NRG1: variants seen among roughly 807,000 people sequenced by gnomAD.
NRG1 encodes the protein neuregulin 1, also known as pro-neuregulin-1, membrane-bound isoform.
NRG1 carries 18 observed loss-of-function variants against 63.8 expected under a neutral mutation model. That is an observed-to-expected ratio of 0.28 (90% CI 0.19 to 0.42). NRG1 has a LOEUF of 0.42. Ranked by LOEUF, NRG1 falls within the 10% of genes least tolerant of loss-of-function variation. The pLI, the probability that NRG1 is intolerant of heterozygous loss-of-function variation, is 1.00. For missense variants in NRG1, 762 were observed against 814.7 expected, an observed-to-expected ratio of 0.94 and a Z score of 0.79; for synonymous variants, 302 against 301.3, an observed-to-expected ratio of 1.00 and a Z score of -0.02.
At chr8:31,869,478 A>G (rs567094619) in intron 1 of NRG1, among the ~76,000 whole-genome samples, 1 of 152,344 alleles carries the variant, frequency 6.6e-6, no homozygotes, top group African/African-American at 2.4e-5. Context: ...AGACATTGCC[A>G]CATCATTCTA....
intron 1 of NRG1, among the ~76,000 whole-genome samples, chr8:31,683,661 C>T (rs1488811295): frequency 1.3e-5 from 2 of 151,916 alleles, no homozygotes; most frequent in Admixed American, 1.3e-4. Context: ...AATGTACAGC[C>T]CTGAGAGTGA....
At chr8:32,578,303 T>A (rs771499695) in intron 1 of NRG1, among the ~76,000 whole-genome samples, 1 of 152,180 alleles carries the variant, frequency 6.6e-6, no homozygotes, top group Non-Finnish European at 1.5e-5. Context: ...CAGATCTTTT[T>A]AAATAAGATC....
At chr8:32,639,228 A>G (rs1851874068) in intron 5 of NRG1, among the ~76,000 whole-genome samples, 1 of 152,054 alleles carries the variant, frequency 6.6e-6, no homozygotes, top group Non-Finnish European at 1.5e-5. Context: ...CAACATGGAG[A>G]AACCTCATCT....
intron 3 of NRG1, among the ~76,000 whole-genome samples, chr8:32,611,843 A>G (rs1422770232): frequency 1.3e-5 from 2 of 152,102 alleles, no homozygotes; most frequent in Non-Finnish European, 2.9e-5. Context: ...TACAATGTGC[A>G]TATGTGTATT....
intron 1 of NRG1, among the ~76,000 whole-genome samples, chr8:32,346,770 A>G (rs1451518348): frequency 6.6e-6 from 1 of 152,084 alleles, no homozygotes; most frequent in Non-Finnish European, 1.5e-5. Context: ...TGATACATGT[A>G]TACAACATGT....
intron 1 of NRG1, among the ~76,000 whole-genome samples, chr8:32,183,295 C>T (rs576573363): frequency 1.2e-4 from 19 of 152,214 alleles, no homozygotes; most frequent in Non-Finnish European, 2.5e-4. Context: ...ACATGTGGGG[C>T]GGGACTTTTC....
At chr8:31,685,997 T>A (rs906058779) in intron 1 of NRG1, among the ~76,000 whole-genome samples, 3 of 152,218 alleles carry the variant, frequency 2.0e-5, no homozygotes, top group Non-Finnish European at 4.4e-5. Flanking sequence ...TTTTTATTTC[T>A]CTTAGGTGTA....
intron 1 of NRG1, among the ~76,000 whole-genome samples, chr8:31,703,096 G>A (rs1244833261): frequency 1.4e-5 from 2 of 147,316 alleles, no homozygotes; most frequent in Non-Finnish European, 3.0e-5. Context: ...TGCTTATCTA[G>A]TATGTTGTTT....
At chr8:32,508,503 T>C (rs1828809965) in intron 1 of NRG1, among the ~76,000 whole-genome samples, 1 of 151,818 alleles carries the variant, frequency 6.6e-6, no homozygotes, top group African/African-American at 2.4e-5. Context: ...TTCACTATGT[T>C]GGCCAGGCTG....
chr8:31,677,575 C>T lies in NRG1; in HGVS notation c.37+38144C>T, dbSNP rs530456352. On this transcript the variant is annotated intron_variant, in intron 1 of 10. Transcript: ENST00000519301. ...GAGCTGAGATCATGCCATTGCACTC[C>T]AGCCTGAGTGACAGAGAGACCCTGT... Among the ~76,000 whole-genome samples the T allele has an allele frequency of 1.2e-3, 188 of 152,108 alleles. 1 individual carries two copies. Among genetic ancestry groups the T allele is most frequent in the Non-Finnish European group, 2.2e-3 (149 of 68,030 alleles).
At position 32,040,750 on chromosome 8, in the gene NRG1, CAT is replaced by C. The variant is rs71208164; in HGVS notation, c.37+401336_37+401337del. 8.0e-4 allele frequency among the ~76,000 whole-genome samples: 39 copies of C among 48,702 alleles called. 3 individuals carry two copies. Among genetic ancestry groups the C allele is most frequent in the South Asian group, 4.4e-3 (4 of 914 alleles). The allele number at this position is 48,702 out of a possible 152,430, so 32.0% of individuals were successfully genotyped here. A position where few individuals can be genotyped will look rare whatever the true frequency, so the allele number is the denominator to read the frequency against. ...TATATATATATATGAAATTTAGGCG[CAT>C]ATATATATATATATATGCGCCTAAA... On this transcript the variant is annotated intron_variant, in intron 1 of 10. Coordinates refer to the NRG1 transcript ENST00000519301.
At chr8:32,531,560 C>T (rs1279927623) in intron 1 of NRG1, among the ~76,000 whole-genome samples, 1 of 152,094 alleles carries the variant, frequency 6.6e-6, no homozygotes, top group East Asian at 1.9e-4. Context: ...CTATGCAATT[C>T]GAATGGAAGA....
chr8:32,136,761 C>T (rs1835583885), intron 1 of NRG1: 1 of 152,138 alleles, frequency 6.6e-6, no homozygotes, highest in African/African-American at 2.4e-5. Flanking sequence ...GGTAAGCCCG[C>T]ATATTTAGAT....
intron 1 of NRG1, among the ~76,000 whole-genome samples, chr8:32,178,426 A>G (rs1046456120): frequency 1.3e-5 from 2 of 152,122 alleles, no homozygotes; most frequent in Non-Finnish European, 2.9e-5. Context: ...CCTGACCAAT[A>G]TGGTGAAACC....
chr8:32,113,665 T>G (rs748333007), intron 1 of NRG1, among the ~76,000 whole-genome samples: 3 of 152,210 alleles, frequency 2.0e-5, no homozygotes, highest in Non-Finnish European at 4.4e-5. Context: ...AGGAACAAAT[T>G]TGTCTAAGGC....
intron 1 of NRG1, among the ~76,000 whole-genome samples, chr8:32,019,910 A>G (rs1816167108): frequency 6.6e-6 from 1 of 152,098 alleles, no homozygotes; most frequent in African/African-American, 2.4e-5. Context: ...TGTTATCTTT[A>G]CTCATTATCA....
At chr8:32,136,022 T>G (rs1835471111) in intron 1 of NRG1, among the ~76,000 whole-genome samples, 2 of 152,116 alleles carry the variant, frequency 1.3e-5, no homozygotes, top group African/African-American at 4.8e-5. Context: ...TCAAACACAG[T>G]GCAGATGAGG....
chr8:31,675,111 G>A (rs993630458), intron 1 of NRG1, among the ~76,000 whole-genome samples: 1 of 152,204 alleles, frequency 6.6e-6, no homozygotes, highest in Non-Finnish European at 1.5e-5. Context: ...GGGAGGCCGA[G>A]GTGGATGGAT....
chr8:32,028,270 C>T (rs975872948), intron 1 of NRG1, among the ~76,000 whole-genome samples: 6 of 152,086 alleles, frequency 3.9e-5, no homozygotes, highest in African/African-American at 1.4e-4. Flanking sequence ...AATGACCAAA[C>T]TTTAGGGGAC....
Sources: allele counts gnomAD v4.1 joint callset (sites outside exome capture counted in the v4.1 genomes callset), GRCh38; gene constraint gnomAD v4.1.1; transcripts MANE v1.5; gene names NCBI Gene and HGNC (gene_info 2026-07-23, HGNC 2026-07-21).